The following NPTN variants were observed in gnomAD, a reference collection of about 807,000 sequenced individuals.
The protein encoded by NPTN is neuroplastin.
A neutral mutation model predicts 42.7 loss-of-function variants in NPTN; 5 were observed. The ratio of observed to expected loss-of-function variants is 0.12; its 90% CI spans 0.06 to 0.25. NPTN has a LOEUF of 0.25. NPTN is among the 10% of genes least tolerant of loss of function. The probability of loss-of-function intolerance (pLI) is 1.00; values close to 1 mark genes in which losing one functional copy is unlikely to be tolerated. For synonymous variants in NPTN, 180 were observed against 201.9 expected (o/e 0.89, Z 0.92); for missense variants, 307 against 525.4 (o/e 0.58, Z 4.06).
In NPTN at chr15:73,560,445, T is replaced by C. The variant is rs1034046886; in HGVS notation, c.*618A>G. 6.6e-6 allele frequency: 1 copy of C among 152,650 alleles called. No individual in the cohort carries two copies. The highest frequency in any genetic ancestry group is 1.5e-5 in the Non-Finnish European group (1 of 68,102). The allele number at this position is 152,650 out of a possible 1,614,324, so 9.5% of individuals were successfully genotyped here. A position where few individuals can be genotyped will look rare whatever the true frequency, so the allele number is the denominator to read the frequency against. Reference sequence around the variant, plus strand: ...CCATTCAGTGGACTGTTCCAGCTTATTAAAGTCACAGGTTAAGCCCTTAAA... The same window carrying C: ...CCATTCAGTGGACTGTTCCAGCTTACTAAAGTCACAGGTTAAGCCCTTAAA... On this transcript the variant is annotated 3_prime_UTR_variant, in exon 9 of 9. Coordinates refer to ENST00000345330, the MANE Select transcript of NPTN (RefSeq NM_012428.4).
At chr15:73,622,493 T>C (rs954643050) in intron 1 of NPTN, among the ~76,000 whole-genome samples, 15 of 148,786 alleles carry the variant, frequency 1.0e-4, no homozygotes, top group Admixed American at 8.6e-4. Context: ...AGAGGGAGAA[T>C]TGTTTTAAAA....
At chr15:73,574,566 C>T (rs1895585769) in intron 4 of NPTN, among the ~76,000 whole-genome samples, 1 of 152,216 alleles carries the variant, frequency 6.6e-6, no homozygotes, top group Admixed American at 6.5e-5. Context: ...GCACATGCCA[C>T]TACACCTGGT....
intron 4 of NPTN, among the ~76,000 whole-genome samples, chr15:73,583,162 T>A (rs1334131846): frequency 6.6e-6 from 1 of 152,224 alleles, no homozygotes; most frequent in Non-Finnish European, 1.5e-5. Flanking sequence ...TTCTACTTCA[T>A]CATGCACTTG....
At chr15:73,591,902 T>C in intron 3 of NPTN, 64 bp downstream of exon 3, 4 of 1,478,938 alleles carry the variant, frequency 2.7e-6, no homozygotes, top group Non-Finnish European at 3.7e-6. Context: ...CTATGGATTA[T>C]GAATGTCAAG....
chr15:73,631,228 T>C (rs1457282145), intron 1 of NPTN, among the ~76,000 whole-genome samples: 3 of 152,244 alleles, frequency 2.0e-5, no homozygotes, highest in African/African-American at 7.2e-5. Context: ...AATGAAACTA[T>C]GCTATTACCA....
In NPTN at chr15:73,560,110, A is replaced by G; in HGVS notation, c.*953T>C. On this transcript the variant is annotated 3_prime_UTR_variant, in exon 9 of 9. Coordinates refer to ENST00000345330, the MANE Select transcript of NPTN (RefSeq NM_012428.4). ...TTACACAAAACACACAAGTACATGC[A>G]TCTACAATTACGCACCGCATGAGAA... 2.0e-6 allele frequency: 1 copy of G among 492,116 alleles called. No individual in the cohort carries two copies. The highest frequency in any genetic ancestry group is 3.0e-5 in the South Asian group (1 of 32,976). 30.5% of individuals were successfully genotyped at this position (492,116 alleles called of 1,614,324 possible). A position where few individuals can be genotyped will look rare whatever the true frequency, so the allele number is the denominator to read the frequency against.
intron 4 of NPTN, among the ~76,000 whole-genome samples, chr15:73,586,360 A>C (rs1303492430): frequency 1.3e-5 from 2 of 152,212 alleles, no homozygotes; most frequent in Non-Finnish European, 2.9e-5. Flanking sequence ...AGGTTTCTCC[A>C]AGAAAAGCCA....
At chr15:73,578,473 G>A (rs537920677) in intron 4 of NPTN, among the ~76,000 whole-genome samples, 10 of 152,208 alleles carry the variant, frequency 6.6e-5, no homozygotes, top group Non-Finnish European at 1.3e-4. Flanking sequence ...AATGTGGACT[G>A]TGAGAAGAAA....
At chr15:73,573,584 A>C in intron 5 of NPTN, 78 bp downstream of exon 5, 1 of 1,433,336 alleles carries the variant, frequency 7.0e-7, no homozygotes, top group East Asian at 2.6e-5. Context: ...TACAGCTACT[A>C]CAGTAACTGA....
At chr15:73,565,361 A>T (rs1290035569) in intron 6 of NPTN, among the ~76,000 whole-genome samples, 2 of 152,248 alleles carry the variant, frequency 1.3e-5, no homozygotes, top group African/African-American at 4.8e-5. Context: ...AAAGAACAGA[A>T]TTACAGAAAA....
At chr15:73,568,109 C>CA (rs1265906894) in intron 6 of NPTN, 20 of 985,254 alleles carry the variant, frequency 2.0e-5, no homozygotes, top group South Asian at 1.9e-4. Context: ...AAAACTCTTA[C>CA]AAAAAAAGAG....
intron 1 of NPTN, among the ~76,000 whole-genome samples, chr15:73,622,901 T>G (rs542039935): frequency 2.6e-5 from 4 of 152,300 alleles, no homozygotes; most frequent in Admixed American, 2.6e-4. Context: ...TCCTATATTT[T>G]ATCTGACAAC....
At chr15:73,601,738 T>A (rs1897092289) in intron 1 of NPTN, among the ~76,000 whole-genome samples, 1 of 152,208 alleles carries the variant, frequency 6.6e-6, no homozygotes, top group African/African-American at 2.4e-5. Flanking sequence ...TGGGCCCAGA[T>A]CTGCAAGAGT....
intron 1 of NPTN, among the ~76,000 whole-genome samples, chr15:73,602,465 C>G (rs1897121178): frequency 1.3e-5 from 2 of 152,170 alleles, no homozygotes; most frequent in African/African-American, 4.8e-5. Context: ...CTGAGCAAGA[C>G]CCACTGACAT....
chr15:73,609,376 A>T (rs1410354206), intron 1 of NPTN, among the ~76,000 whole-genome samples: 1 of 152,208 alleles, frequency 6.6e-6, no homozygotes, highest in Non-Finnish European at 1.5e-5. Context: ...CACGCCTGTA[A>T]TCCCAGCGCT....
chr15:73,569,885 G>C lies in NPTN; in HGVS notation c.1114+265C>G. ...CACATGGGGCCTGAAAGGCAGATGG[G>C]ACTAGGGTTTGGAAAACACCCAAAC... On this transcript the variant is annotated intron_variant, in intron 6 of 8. Coordinates refer to ENST00000345330, the MANE Select transcript of NPTN (RefSeq NM_012428.4). The surrounding 1 kb of genome is among the most constrained non-coding windows in gnomAD (Gnocchi z 4.1). 2.2e-6 allele frequency: 2 copies of C among 899,622 alleles called. No individual in the cohort carries two copies. The highest frequency in any genetic ancestry group is 2.7e-6 in the Non-Finnish European group (2 of 751,998). 55.7% of individuals were successfully genotyped at this position (899,622 alleles called of 1,614,324 possible).
At chr15:73,609,428 A>G (rs980712471) in intron 1 of NPTN, among the ~76,000 whole-genome samples, 1 of 152,166 alleles carries the variant, frequency 6.6e-6, no homozygotes, top group African/African-American at 2.4e-5. Context: ...GTGGAGTTCA[A>G]GAGCAGCCTG....
At chr15:73,607,163 C>T (rs1374946546) in intron 1 of NPTN, among the ~76,000 whole-genome samples, 1 of 152,172 alleles carries the variant, frequency 6.6e-6, no homozygotes, top group Non-Finnish European at 1.5e-5. Flanking sequence ...TGGTCTGGTC[C>T]CTACATCTAT....
intron 1 of NPTN, among the ~76,000 whole-genome samples, chr15:73,617,971 A>T (rs1442903785): frequency 6.6e-6 from 1 of 152,142 alleles, no homozygotes; most frequent in Non-Finnish European, 1.5e-5. Context: ...ACTCCACCTC[A>T]TAATTGAATT....
Sources: gnomAD v4.1 joint callset for allele counts (sites outside exome capture counted in the v4.1 genomes callset) on GRCh38, gnomAD v4.1.1 for gene constraint, Gnocchi (gnomAD v3.1) non-coding constraint, MANE v1.5 for transcripts, NCBI Gene and HGNC (gene_info 2026-07-23, HGNC 2026-07-21) for gene names.